YTHDF3: variants seen among roughly 807,000 people sequenced by gnomAD.
YTHDF3 encodes the protein YTH N6-methyladenosine RNA binding protein F3.
Under a neutral mutation model 52.5 loss-of-function variants are expected in YTHDF3, and 9 were observed. The observed-to-expected ratio is 0.17, with a 90% CI of 0.10 to 0.30. The LOEUF is 0.30. Ranked by LOEUF, YTHDF3 falls within the 10% of genes least tolerant of loss-of-function variation. YTHDF3 has a pLI of 1.00. For synonymous variants in YTHDF3, 274 were observed against 243.3 expected (o/e 1.13, Z -1.18); for missense variants, 534 against 715.0 (o/e 0.75, Z 2.89).
intron 4 of YTHDF3, among the ~76,000 whole-genome samples, chr8:63,190,300 G>T (rs1197121769): frequency 6.7e-6 from 1 of 149,878 alleles, no homozygotes; most frequent in Non-Finnish European, 1.5e-5. Flanking sequence ...ACCCTTCTGT[G>T]TCTTTTTTTT....
At position 63,209,791 on chromosome 8, in the gene YTHDF3, G is replaced by A. The variant is rs1010534939; in HGVS notation, c.*85G>A. ...AATAAGTCAAAGAAGACGTATTAAAGCTCTTTTCTGCTTAAGGTGACATCT... is the reference window on the plus strand; with the variant it reads ...AATAAGTCAAAGAAGACGTATTAAAACTCTTTTCTGCTTAAGGTGACATCT... On this transcript the variant is annotated 3_prime_UTR_variant, in exon 5 of 5. Transcript: ENST00000539294. 3.0e-6 allele frequency: 4 copies of A among 1,325,710 alleles called. No homozygotes were observed. Among genetic ancestry groups the A allele is most frequent in the African/African-American group, 1.5e-5 (1 of 66,812 alleles). The allele number at this position is 1,325,710 out of a possible 1,614,324, so 82.1% of individuals were successfully genotyped here. A position where few individuals can be genotyped will look rare whatever the true frequency, so the allele number is the denominator to read the frequency against.
intron 2 of YTHDF3, among the ~76,000 whole-genome samples, chr8:63,170,894 G>C (rs1807279867): frequency 6.6e-6 from 1 of 152,114 alleles, no homozygotes. Context: ...AAATAAGTTT[G>C]ATTTATGAGT....
rs1168816308 is a variant in YTHDF3 at position 63,169,394 on chromosome 8, A to C, written c.32A>C (p.Lys11Thr). 6.2e-7 allele frequency: 1 copy of C among 1,601,750 alleles called. No homozygotes were observed. Among genetic ancestry groups the C allele is most frequent in the Non-Finnish European group, 8.5e-7 (1 of 1,173,290 alleles). Reference protein sequence around the residue: MSATSVDQRPKGQGNKVSVQN... With the variant: MSATSVDQRPTGQGNKVSVQN... Reference sequence around the variant, plus strand: ...TTTCGTCTTGCAACACAGAGACCTAAAGGGCAAGGAAATAAAGGTGAGTTT... The same window carrying C: ...TTTCGTCTTGCAACACAGAGACCTACAGGGCAAGGAAATAAAGGTGAGTTT... The change falls in exon 2 of 5, where the codon AAA becomes ACA. Residue 11 changes from lysine (K) to threonine (T), a missense_variant. Physicochemically the swap from Lys to Thr is moderately conservative, Grantham distance 78. This residue lies in a region of YTHDF3 where 196 missense variants were observed against 299.5 expected (regional missense o/e 0.65). Transcript: ENST00000539294.
At chr8:63,204,182 CATT>C (rs1476423433) in intron 4 of YTHDF3, among the ~76,000 whole-genome samples, 4 of 151,986 alleles carry the variant, frequency 2.6e-5, no homozygotes, top group Non-Finnish European at 4.4e-5. Context: ...TCTATCCTCT[CATT>C]TTTTTTTCTT....
chr8:63,188,459 TG>T (rs1236185733), intron 4 of YTHDF3, among the ~76,000 whole-genome samples: 3 of 150,602 alleles, frequency 2.0e-5, no homozygotes, highest in African/African-American at 7.3e-5. Context: ...CCCGAGTAGC[TG>T]GGACTACGGT....
chr8:63,201,620 G>A (rs1354566894), intron 4 of YTHDF3, among the ~76,000 whole-genome samples: 2 of 152,070 alleles, frequency 1.3e-5, no homozygotes, highest in African/African-American at 4.8e-5. Context: ...TTCACTGTTG[G>A]TGGCAGAAAG....
chr8:63,170,681 T>C (rs752856254), intron 2 of YTHDF3, among the ~76,000 whole-genome samples: 11 of 152,186 alleles, frequency 7.2e-5, no homozygotes, highest in Non-Finnish European at 1.6e-4. Context: ...TTAGGAACTA[T>C]GTAGACTTGG....
At chr8:63,174,828 CTT>C (rs1807579229) in intron 2 of YTHDF3, among the ~76,000 whole-genome samples, 1 of 152,124 alleles carries the variant, frequency 6.6e-6, no homozygotes, top group African/African-American at 2.4e-5. Flanking sequence ...TTAGCCTAAA[CTT>C]TACTGGAGAC....
intron 3 of YTHDF3, among the ~76,000 whole-genome samples, chr8:63,177,038 G>T (rs1484824875): frequency 6.6e-6 from 1 of 152,150 alleles, no homozygotes; most frequent in African/African-American, 2.4e-5. Context: ...GTGTAAATTT[G>T]AAGAGTAAAT....
At chr8:63,181,892 T>G (rs1227918010) in intron 3 of YTHDF3, among the ~76,000 whole-genome samples, 4 of 152,216 alleles carry the variant, frequency 2.6e-5, no homozygotes, top group Admixed American at 2.6e-4. Flanking sequence ...TGAATATTAT[T>G]ATGACATTTT....
chr8:63,168,976 C>T (rs909776147), intron 1 of YTHDF3, 75 bp downstream of exon 1: 16 of 1,518,370 alleles, frequency 1.1e-5, no homozygotes, highest in African/African-American at 2.9e-5. Flanking sequence ...GCTTCGGCTC[C>T]TCCCCGTCGC....
chr8:63,194,816 AG>A (rs1223897356), intron 4 of YTHDF3, among the ~76,000 whole-genome samples: 3 of 152,354 alleles, frequency 2.0e-5, no homozygotes, highest in African/African-American at 7.2e-5. Context: ...TAAGTTTAGA[AG>A]GGTTATACTA....
chr8:63,205,161 G>A (rs990439059), intron 4 of YTHDF3, among the ~76,000 whole-genome samples: 3 of 152,078 alleles, frequency 2.0e-5, no homozygotes, highest in Admixed American at 6.5e-5. Context: ...AAGAAGCCCT[G>A]TACTACTCAG....
Position 63,204,292 on chromosome 8 carries a change from AATT to A in YTHDF3, c.1735-5389_1735-5387del, listed in dbSNP as rs547173163. Among the ~76,000 whole-genome samples, 46 of 151,636 alleles carry A rather than the reference AATT, an allele frequency of 3.0e-4. No individual in the cohort carries two copies. The South Asian group carries it at 8.1e-3, about 27-fold the overall frequency. On this transcript the variant is annotated intron_variant, in intron 4 of 4. Coordinates refer to ENST00000539294, the MANE Select transcript of YTHDF3 (RefSeq NM_152758.6). ...ATGAGGCAGCGACCATTTCTCCCTT[AATT>A]AATCTACTGATTTTTTCAATTTGAA...
At chr8:63,183,102 AG>A (rs1376690451) in intron 3 of YTHDF3, among the ~76,000 whole-genome samples, 1 of 152,038 alleles carries the variant, frequency 6.6e-6, no homozygotes, top group East Asian at 1.9e-4. Flanking sequence ...CTGGGATTAC[AG>A]GTGTATGCTC....
At chr8:63,168,554 G>A (rs1211619326), upstream of YTHDF3, 1 of 494,448 alleles carries the variant, frequency 2.0e-6, no homozygotes, top group Non-Finnish European at 3.6e-6. Flanking sequence ...GGGTGGGGGA[G>A]GAAGAGCGAG....
intron 4 of YTHDF3, among the ~76,000 whole-genome samples, chr8:63,196,446 C>T (rs1362988501): frequency 6.6e-6 from 1 of 151,728 alleles, no homozygotes; most frequent in African/African-American, 2.4e-5. Context: ...CTTGTAATCC[C>T]AGCTCCTCGG....
rs556314845 is a variant in YTHDF3, at chr8:63,187,860, A to G, written c.1734+115A>G. ...AAGGAAACCAACTACTTAAGAAACA[A>G]CTCTACAAACACCCTTGAAGGTATC... On this transcript the variant is annotated intron_variant, in intron 4 of 4. Transcript: ENST00000539294. The G allele has an allele frequency of 4.2e-4, 482 of 1,136,006 alleles. 2 individuals are homozygous for G. In the Middle Eastern group the frequency reaches 8.3e-3, roughly 20 times the overall value. The allele number at this position is 1,136,006 out of a possible 1,614,324, so 70.4% of individuals were successfully genotyped here. A position where few individuals can be genotyped will look rare whatever the true frequency, so the allele number is the denominator to read the frequency against.
Position 63,187,078 on chromosome 8 carries a change from C to T in YTHDF3, c.1067C>T (p.Ala356Val), listed in dbSNP as rs1322639186. The T allele has an allele frequency of 1.2e-6, 2 of 1,613,646 alleles. No individual in the cohort carries two copies. The highest frequency in any genetic ancestry group is 1.3e-5 in the African/African-American group (1 of 74,914). The change falls in exon 4 of 5, where the codon GCT (alanine) becomes GTT (valine). Residue 356 changes from alanine to valine, a missense_variant. Ala to Val is a moderately conservative substitution (Grantham distance 64, BLOSUM62 0). This residue lies in a region of YTHDF3 where 203 missense variants were observed against 201.3 expected (regional missense o/e 1.01). Transcript: ENST00000539294. ...QQQQLQNRWV[A>V]PRNRGAGFNQ... is the part of the protein sequence containing the mutation. ...CAGCAGCTGCAGAATCGCTGGGTAG[C>T]TCCTCGTAACAGGGGAGCAGGCTTC... is the stretch of plus-strand genomic sequence containing the variant.
Sources: allele counts gnomAD v4.1 joint callset (sites outside exome capture counted in the v4.1 genomes callset), GRCh38; gene constraint gnomAD v4.1.1; regional missense constraint gnomAD v4.1.1; transcripts MANE v1.5; gene names NCBI Gene and HGNC (gene_info 2026-07-23, HGNC 2026-07-21).